Variants in CLIC6 observed in about 807,000 individuals in gnomAD.
CLIC6 encodes the protein chloride intracellular channel protein 6.
A neutral mutation model predicts 49.2 loss-of-function variants in CLIC6; 39 were observed. The ratio of observed to expected loss-of-function variants is 0.79; its 90% CI spans 0.61 to 1.04. The LOEUF (loss-of-function observed/expected upper bound fraction) is 1.04. Among genes scored for constraint, CLIC6 ranks in the 50% least tolerant of loss-of-function variants. The pLI, the probability that CLIC6 is intolerant of heterozygous loss-of-function variation, is 0.00. For synonymous variants in CLIC6, 446 were observed against 433.4 expected (o/e 1.03, Z -0.36); for missense variants, 988 against 993.1 (o/e 0.99, Z 0.07).
intron 1 of CLIC6, among the ~76,000 whole-genome samples, chr21:34,673,966 A>G (rs1027000800): frequency 6.6e-5 from 10 of 152,178 alleles, no homozygotes; most frequent in African/African-American, 2.4e-4. Context: ...TTTGTATGGC[A>G]TAGCTGGAGT....
chr21:34,707,027 G>T (rs1349596345), intron 1 of CLIC6, among the ~76,000 whole-genome samples: 1 of 152,190 alleles, frequency 6.6e-6, no homozygotes. Context: ...TGGTGAGGTG[G>T]TGGGGAAGGA....
rs139243173 is a variant in CLIC6 at position 34,707,978 on chromosome 21, A to G, written c.1519A>G (p.Thr507Ala). The change falls in exon 3 of 6, where the codon ACA becomes GCA. Residue 507 changes from threonine to alanine, a missense_variant. By Grantham distance (58) the Thr-to-Ala change is moderately conservative (BLOSUM62 0). Transcript: ENST00000349499. ...AGACCTGCAGAACCTGGCTCCCGGAACAAACCCTCCTTTCATGACTTTTGA... is the reference window on the plus strand; with the variant it reads ...AGACCTGCAGAACCTGGCTCCCGGAGCAAACCCTCCTTTCATGACTTTTGA... ...PADLQNLAPG[T>A]NPPFMTFDGE... 1,766 of 1,614,168 alleles carry G rather than the reference A, an allele frequency of 1.1e-3. 6 individuals are homozygous for G. The highest frequency in any genetic ancestry group is 1.8e-3 in the Middle Eastern group (11 of 6,062).
intron 1 of CLIC6, among the ~76,000 whole-genome samples, chr21:34,684,042 A>G (rs1989828635): frequency 6.6e-6 from 1 of 150,610 alleles, no homozygotes; most frequent in African/African-American, 2.4e-5. Context: ...TTTTAATAGT[A>G]TATGGCTGTT....
intron 1 of CLIC6, among the ~76,000 whole-genome samples, chr21:34,706,673 G>T (rs1405480043): frequency 6.6e-6 from 1 of 152,148 alleles, no homozygotes; most frequent in African/African-American, 2.4e-5. Context: ...CCTGAATCAT[G>T]CAGGAAGCTT....
intron 5 of CLIC6, among the ~76,000 whole-genome samples, chr21:34,710,238 A>G (rs1295889340): frequency 6.6e-6 from 1 of 152,160 alleles, no homozygotes; most frequent in East Asian, 1.9e-4. Context: ...AGGAGGTGGC[A>G]CTGCACTCTG....
chr21:34,669,825 A>G lies in CLIC6; in HGVS notation c.437A>G (p.Glu146Gly), dbSNP rs1465618450. 2 of 1,409,840 alleles carry G rather than the reference A, an allele frequency of 1.4e-6. No individual in the cohort carries two copies. Among genetic ancestry groups the G allele is most frequent in the Admixed American group, 3.1e-5 (1 of 32,258 alleles). The allele number at this position is 1,409,840 out of a possible 1,614,324, so 87.3% of individuals were successfully genotyped here. The change falls in exon 1 of 6, where the codon GAG becomes GGG. Residue 146 changes from glutamate to glycine, a missense_variant. Glu to Gly is a moderately conservative substitution (Grantham distance 98). Coordinates refer to ENST00000349499, the MANE Select transcript of CLIC6 (RefSeq NM_053277.3). ...ERQEEAEQRP[E>G]VPEGSASGEA... ...CAGGAGGAGGCGGAGCAGAGGCCTGAGGTCCCGGAAGGTAGCGCGTCCGGG... is the reference window on the plus strand; with the variant it reads ...CAGGAGGAGGCGGAGCAGAGGCCTGGGGTCCCGGAAGGTAGCGCGTCCGGG...
intron 1 of CLIC6, among the ~76,000 whole-genome samples, chr21:34,681,793 A>AAT (rs1207734903): frequency 6.6e-6 from 1 of 152,210 alleles, no homozygotes; most frequent in African/African-American, 2.4e-5. Context: ...ATTCATTAGA[A>AAT]ATATGATCAC....
chr21:34,713,401 G>C (rs2056068927), intron 5 of CLIC6, among the ~76,000 whole-genome samples: 1 of 152,092 alleles, frequency 6.6e-6, no homozygotes, highest in African/African-American at 2.4e-5. Flanking sequence ...GAAAAGTAAA[G>C]ACAAATAAAA....
At chr21:34,678,424 T>A (rs1420853350) in intron 1 of CLIC6, among the ~76,000 whole-genome samples, 3 of 149,494 alleles carry the variant, frequency 2.0e-5, no homozygotes, top group Non-Finnish European at 3.0e-5. Context: ...AGAGAGAGAC[T>A]CCATCTAAAA....
At chr21:34,678,097 T>C (rs2145798735) in intron 1 of CLIC6, among the ~76,000 whole-genome samples, 1 of 151,250 alleles carries the variant, frequency 6.6e-6, no homozygotes, top group South Asian at 2.1e-4. Flanking sequence ...AGAGACTCTG[T>C]GGACCACAAA....
intron 1 of CLIC6, among the ~76,000 whole-genome samples, chr21:34,699,356 A>G (rs1258635000): frequency 6.6e-6 from 1 of 150,900 alleles, no homozygotes; most frequent in Non-Finnish European, 1.5e-5. Flanking sequence ...GGCTCAAGCA[A>G]TTCTCCCACC....
chr21:34,702,117 C>G (rs1990201905), intron 1 of CLIC6, among the ~76,000 whole-genome samples: 1 of 152,130 alleles, frequency 6.6e-6, no homozygotes, highest in Non-Finnish European at 1.5e-5. Context: ...GATTCAGGCC[C>G]CCGTCATTTT....
intron 1 of CLIC6, among the ~76,000 whole-genome samples, chr21:34,689,314 C>T (rs1422600858): frequency 6.6e-6 from 1 of 152,136 alleles, no homozygotes; most frequent in Non-Finnish European, 1.5e-5. Context: ...TCAGCACAAC[C>T]CCACAGGTGC....
At chr21:34,697,652 G>A (rs537822037) in intron 1 of CLIC6, among the ~76,000 whole-genome samples, 1 of 152,360 alleles carries the variant, frequency 6.6e-6, no homozygotes, top group Non-Finnish European at 1.5e-5. Context: ...ATCCCAGCTT[G>A]CCCAGGACTT....
At chr21:34,706,123 C>G (rs565419962) in intron 1 of CLIC6, 17 of 652,268 alleles carry the variant, frequency 2.6e-5, no homozygotes, top group African/African-American at 2.5e-4. Context: ...GGCTCAAATG[C>G]TGCAGGCTTT....
At position 34,670,585 on chromosome 21, in the gene CLIC6, TG is replaced by T; in HGVS notation, c.1201del (p.Glu401ArgfsTer32). 6.6e-7 allele frequency: 1 copy of T among 1,526,688 alleles called. No individual in the cohort carries two copies. Among genetic ancestry groups the T allele is most frequent in the Non-Finnish European group, 8.8e-7 (1 of 1,137,458 alleles). The allele number at this position is 1,526,688 out of a possible 1,614,324, so 94.6% of individuals were successfully genotyped here. On this transcript the variant is annotated frameshift_variant, in exon 1 of 6. Coordinates refer to ENST00000349499, the MANE Select transcript of CLIC6 (RefSeq NM_053277.3). LOFTEE classifies it high-confidence loss of function. ...AGGAATCCCCCGACAGCAGCCCACATGGGGAGGCCTCCAGGGGCGCCGCGGA... is the reference window on the plus strand; with the variant it reads ...AGGAATCCCCCGACAGCAGCCCACATGGGAGGCCTCCAGGGGCGCCGCGGA... ...EEESPDSSPH[G>X]EASRGAAEPE... is the part of the protein sequence containing the mutation.
chr21:34,669,835 A>G lies in CLIC6; in HGVS notation c.447A>G (p.Glu149=). ...CGGAGCAGAGGCCTGAGGTCCCGGA[A>G]GGTAGCGCGTCCGGGGAGGCGGGGG... ...EEAEQRPEVP[E]GSASGEAGDS... Residue 149 remains glutamate, a synonymous_variant, in exon 1 of 6, where the codon GAA becomes GAG. Coordinates refer to ENST00000349499, the MANE Select transcript of CLIC6 (RefSeq NM_053277.3). 1.4e-6 allele frequency: 2 copies of G among 1,412,116 alleles called. No individual in the cohort carries two copies. Among genetic ancestry groups the G allele is most frequent in the Non-Finnish European group, 1.8e-6 (2 of 1,091,826 alleles). The allele number at this position is 1,412,116 out of a possible 1,614,324, so 87.5% of individuals were successfully genotyped here. A position where few individuals can be genotyped will look rare whatever the true frequency, so the allele number is the denominator to read the frequency against.
At chr21:34,671,145 A>G in intron 1 of CLIC6, among the ~76,000 whole-genome samples, 1 of 145,118 alleles carries the variant, frequency 6.9e-6, no homozygotes, top group Non-Finnish European at 1.5e-5. Flanking sequence ...AAAAAAAAGA[A>G]GAAGAAGAAG....
intron 1 of CLIC6, among the ~76,000 whole-genome samples, chr21:34,684,791 C>A (rs1055574308): frequency 3.3e-5 from 5 of 152,176 alleles, no homozygotes; most frequent in African/African-American, 1.2e-4. Flanking sequence ...AGTACACAAG[C>A]AAGGAGGACC....
Sources: gnomAD v4.1 joint callset for allele counts (sites outside exome capture counted in the v4.1 genomes callset) on GRCh38, gnomAD v4.1.1 for gene constraint, MANE v1.5 for transcripts, NCBI Gene and HGNC (gene_info 2026-07-23, HGNC 2026-07-21) for gene names.